CORIN: variants seen among roughly 807,000 people sequenced by gnomAD.
The protein encoded by CORIN is atrial natriuretic peptide-converting enzyme.
A neutral mutation model predicts 125.3 loss-of-function variants in CORIN; 117 were observed. That is an observed-to-expected ratio of 0.93 (90% confidence interval 0.80 to 1.09). The LOEUF (loss-of-function observed/expected upper bound fraction) is 1.09. CORIN is among the 50% of genes least tolerant of loss of function. The pLI, the probability that CORIN is intolerant of heterozygous loss-of-function variation, is 0.00. For missense variants in CORIN, 1,253 were observed against 1,306.7 expected (o/e 0.96, Z 0.63); for synonymous variants, 450 against 466.4 (o/e 0.96, Z 0.45).
intron 3 of CORIN, among the ~76,000 whole-genome samples, chr4:47,769,829 T>C (rs1411807912): frequency 6.7e-6 from 1 of 150,132 alleles, no homozygotes; most frequent in Non-Finnish European, 1.5e-5. Context: ...AAGAATGAGA[T>C]TAGTCTTATT....
intron 5 of CORIN, among the ~76,000 whole-genome samples, chr4:47,737,086 A>G (rs1438409140): frequency 6.6e-6 from 1 of 152,204 alleles, no homozygotes. Flanking sequence ...ATTTGGAACT[A>G]CTCAAGGAGG....
chr4:47,690,869 G>A (rs1725734943), intron 6 of CORIN, among the ~76,000 whole-genome samples: 1 of 152,170 alleles, frequency 6.6e-6, no homozygotes, highest in Non-Finnish European at 1.5e-5. Context: ...AAGCTCAAAA[G>A]CAGATGTCCT....
At chr4:47,769,920 A>G (rs1466964147) in intron 3 of CORIN, among the ~76,000 whole-genome samples, 1 of 152,172 alleles carries the variant, frequency 6.6e-6, no homozygotes, top group African/African-American at 2.4e-5. Context: ...CTAGAAGAAT[A>G]CATAGGGGGA....
chr4:47,650,203 C>A (rs2109635354), intron 13 of CORIN, among the ~76,000 whole-genome samples: 1 of 152,290 alleles, frequency 6.6e-6, no homozygotes, highest in South Asian at 2.1e-4. Context: ...AGGTGAAGAA[C>A]TGATTTTTGG....
intron 13 of CORIN, 143 bp downstream of exon 13, chr4:47,653,410 C>G: frequency 1.5e-6 from 1 of 682,278 alleles, no homozygotes; most frequent in Non-Finnish European, 2.5e-6. Flanking sequence ...ATATGCCATA[C>G]TGTTCAATAA....
At chr4:47,835,397 C>T (rs910587194) in intron 1 of CORIN, among the ~76,000 whole-genome samples, 2 of 152,174 alleles carry the variant, frequency 1.3e-5, no homozygotes, top group East Asian at 1.9e-4. Flanking sequence ...TTCAGTGTTG[C>T]GGCTCTCCTG....
chr4:47,765,854 AG>A (rs1014788826), intron 3 of CORIN, among the ~76,000 whole-genome samples: 3 of 152,118 alleles, frequency 2.0e-5, no homozygotes, highest in Admixed American at 6.5e-5. Context: ...ACTGACTTTT[AG>A]GGGTGTTTTT....
chr4:47,780,460 A>G (rs1730487982), intron 3 of CORIN, among the ~76,000 whole-genome samples: 1 of 152,236 alleles, frequency 6.6e-6, no homozygotes, highest in Non-Finnish European at 1.5e-5. Context: ...GGAAATGAAA[A>G]AGAAGAAATC....
intron 5 of CORIN, among the ~76,000 whole-genome samples, chr4:47,718,559 A>G (rs1031395575): frequency 6.6e-6 from 1 of 152,258 alleles, no homozygotes; most frequent in Admixed American, 6.5e-5. Context: ...CCTTGATTTT[A>G]GCAGATGACA....
intron 12 of CORIN, among the ~76,000 whole-genome samples, chr4:47,661,206 G>T (rs1423745313): frequency 6.6e-6 from 1 of 152,048 alleles, no homozygotes; most frequent in East Asian, 1.9e-4. Flanking sequence ...GGGAAAGCAG[G>T]GTTGGTTAAT....
chr4:47,812,909 C>T (rs992838123), intron 1 of CORIN, among the ~76,000 whole-genome samples: 13 of 152,178 alleles, frequency 8.5e-5, no homozygotes, highest in African/African-American at 3.1e-4. Flanking sequence ...ATTCCTAAAT[C>T]ATCCAAAAAT....
intron 10 of CORIN, among the ~76,000 whole-genome samples, chr4:47,671,881 G>T (rs1309008522): frequency 6.6e-6 from 1 of 152,120 alleles, no homozygotes; most frequent in South Asian, 2.1e-4. Flanking sequence ...GAGCCACCGC[G>T]CCCGGCCTAT....
At chr4:47,695,794 G>T (rs1303006981) in intron 5 of CORIN, among the ~76,000 whole-genome samples, 1 of 152,226 alleles carries the variant, frequency 6.6e-6, no homozygotes, top group South Asian at 2.1e-4. Context: ...GTATAAAACT[G>T]TTCAATTATT....
intron 1 of CORIN, 119 bp downstream of exon 1, chr4:47,837,768 G>A (rs1733520627): frequency 2.2e-6 from 2 of 906,924 alleles, no homozygotes; most frequent in East Asian, 2.4e-5. Context: ...CGGCGGCTGG[G>A]GAAGGAGGTG....
At chr4:47,613,207 C>A (rs1721936546) in intron 19 of CORIN, among the ~76,000 whole-genome samples, 1 of 152,210 alleles carries the variant, frequency 6.6e-6, no homozygotes. Flanking sequence ...GTAATCCCAG[C>A]ACTTTGGGAG....
At chr4:47,749,340 C>A (rs1007925543) in intron 4 of CORIN, among the ~76,000 whole-genome samples, 1 of 152,174 alleles carries the variant, frequency 6.6e-6, no homozygotes, top group African/African-American at 2.4e-5. Flanking sequence ...CCCTTACTGG[C>A]TTTGATGAAG....
chr4:47,608,795 T>C (rs762764963), intron 19 of CORIN, among the ~76,000 whole-genome samples: 2 of 152,222 alleles, frequency 1.3e-5, no homozygotes, highest in Non-Finnish European at 2.9e-5. Context: ...GAGGAATTTA[T>C]ACAGAATTGC....
chr4:47,771,434 G>A (rs1025959229), intron 3 of CORIN, among the ~76,000 whole-genome samples: 25 of 152,124 alleles, frequency 1.6e-4, no homozygotes, highest in African/African-American at 5.6e-4. Context: ...GAAGATTTAA[G>A]CTTTCGTTTT....
At chr4:47,739,387 GATAAC>G (rs1216504203) in intron 5 of CORIN, among the ~76,000 whole-genome samples, 3 of 152,024 alleles carry the variant, frequency 2.0e-5, no homozygotes, top group Non-Finnish European at 2.9e-5. Context: ...AAGGAAGTGG[GATAAC>G]ATATTCAAAG....
Sources: gnomAD v4.1 joint callset for allele counts (sites outside exome capture counted in the v4.1 genomes callset) on GRCh38, gnomAD v4.1.1 for gene constraint, MANE v1.5 for transcripts, NCBI Gene and HGNC (gene_info 2026-07-23, HGNC 2026-07-21) for gene names.